The following AUTS2 variants were observed in gnomAD, a reference collection of about 807,000 sequenced individuals.
AUTS2 encodes the protein activator of transcription and developmental regulator AUTS2, also known as autism susceptibility gene 2 protein.
A neutral mutation model predicts 112.4 loss-of-function variants in AUTS2; 17 were observed. The observed-to-expected ratio is 0.15, with a 90% confidence interval of 0.10 to 0.23. The LOEUF (loss-of-function observed/expected upper bound fraction) is 0.23, where lower values mean the gene tolerates loss of function less well. AUTS2 is among the 10% of genes least tolerant of loss of function. AUTS2 has a pLI of 1.00. For synonymous variants in AUTS2, 751 were observed against 702.7 expected, an observed-to-expected ratio of 1.07 and a Z score of -1.09; for missense variants, 1,510 against 1,701.6, an observed-to-expected ratio of 0.89 and a Z score of 1.98.
intron 2 of AUTS2, among the ~76,000 whole-genome samples, chr7:70,017,377 T>G (rs1468601372): frequency 6.6e-6 from 1 of 152,218 alleles, no homozygotes; most frequent in African/African-American, 2.4e-5. Context: ...AATTAGAGAT[T>G]TGTAGTTAAG....
intron 2 of AUTS2, among the ~76,000 whole-genome samples, chr7:70,110,196 A>G (rs1272401973): frequency 6.6e-6 from 1 of 152,184 alleles, no homozygotes; most frequent in African/African-American, 2.4e-5. Flanking sequence ...ATATAGTTAG[A>G]TTGATCTTGG....
intron 2 of AUTS2, among the ~76,000 whole-genome samples, chr7:69,991,143 A>T (rs1563020436): frequency 6.6e-6 from 1 of 152,222 alleles, no homozygotes; most frequent in Non-Finnish European, 1.5e-5. Flanking sequence ...AGCTCCTTCC[A>T]GGCAGATCTG....
intron 6 of AUTS2, among the ~76,000 whole-genome samples, chr7:70,756,640 T>G (rs1789229066): frequency 6.6e-6 from 1 of 152,176 alleles, no homozygotes; most frequent in Admixed American, 6.5e-5. Context: ...AATGTTTGAC[T>G]TTATATCTAG....
intron 1 of AUTS2, among the ~76,000 whole-genome samples, chr7:69,892,398 C>G (rs993627833): frequency 3.9e-5 from 6 of 152,026 alleles, no homozygotes; most frequent in Middle Eastern, 3.4e-3. Context: ...CCTGCCTTGG[C>G]CTCCTAAAGT....
intron 4 of AUTS2, among the ~76,000 whole-genome samples, chr7:70,287,664 A>G (rs1293440509): frequency 6.6e-6 from 1 of 152,134 alleles, no homozygotes; most frequent in Non-Finnish European, 1.5e-5. Context: ...AGTAATATTT[A>G]TCTTTAATGT....
chr7:70,511,803 TG>T (rs1799208101), intron 5 of AUTS2, among the ~76,000 whole-genome samples: 1 of 151,970 alleles, frequency 6.6e-6, no homozygotes, highest in Non-Finnish European at 1.5e-5. Context: ...CTTGAACTCC[TG>T]ACCTCAAGTG....
intron 6 of AUTS2, among the ~76,000 whole-genome samples, chr7:70,739,950 C>G (rs1252102042): frequency 2.2e-4 from 34 of 152,134 alleles, no homozygotes; most frequent in Non-Finnish European, 4.4e-5. Flanking sequence ...GCAGTATTCC[C>G]GGCCCTCCTG....
intron 1 of AUTS2, among the ~76,000 whole-genome samples, chr7:69,657,841 A>G (rs943906691): frequency 6.6e-6 from 1 of 152,114 alleles, no homozygotes; most frequent in Non-Finnish European, 1.5e-5. Context: ...TTGTTCTGTA[A>G]TTGTTGGTTT....
intron 1 of AUTS2, among the ~76,000 whole-genome samples, chr7:69,632,826 G>A (rs182395290): frequency 9.2e-5 from 14 of 152,120 alleles, no homozygotes; most frequent in Non-Finnish European, 1.8e-4. Flanking sequence ...CCTTGAGAGA[G>A]GTTTTTATTA....
At chr7:70,739,818 A>G (rs1787998965) in intron 6 of AUTS2, among the ~76,000 whole-genome samples, 3 of 152,002 alleles carry the variant, frequency 2.0e-5, no homozygotes, top group Admixed American at 2.0e-4. Flanking sequence ...AAAAAAAAAA[A>G]AAAAAAAAGT....
intron 4 of AUTS2, among the ~76,000 whole-genome samples, chr7:70,353,396 A>G (rs1009835154): frequency 2.0e-5 from 3 of 152,170 alleles, no homozygotes; most frequent in Admixed American, 1.3e-4. Context: ...TCCCTTAACC[A>G]CAGGCATGGT....
At chr7:69,906,308 T>A (rs894071596) in intron 2 of AUTS2, among the ~76,000 whole-genome samples, 5 of 152,246 alleles carry the variant, frequency 3.3e-5, no homozygotes, top group African/African-American at 1.2e-4. Flanking sequence ...GAAATAAGCC[T>A]CTGTACATTC....
chr7:70,660,223 G>A (rs533559589), intron 5 of AUTS2, among the ~76,000 whole-genome samples: 10 of 152,084 alleles, frequency 6.6e-5, no homozygotes, highest in East Asian at 3.9e-4. Context: ...AGAAATGCAG[G>A]CAACTGTGCA....
intron 1 of AUTS2, among the ~76,000 whole-genome samples, chr7:69,659,797 C>CAT (rs1795714463): frequency 6.6e-6 from 1 of 152,072 alleles, no homozygotes; most frequent in African/African-American, 2.4e-5. Context: ...AGCCTAAAGC[C>CAT]ATACTTCACC....
intron 5 of AUTS2, among the ~76,000 whole-genome samples, chr7:70,550,868 C>T (rs767004777): frequency 7.0e-4 from 106 of 152,304 alleles, no homozygotes; most frequent in Non-Finnish European, 1.3e-3. Flanking sequence ...TCATCTAGAT[C>T]TTGGTTCCTA....
chr7:69,894,069 A>C (rs1794634425), intron 1 of AUTS2, among the ~76,000 whole-genome samples: 1 of 152,056 alleles, frequency 6.6e-6, no homozygotes, highest in Admixed American at 6.5e-5. Flanking sequence ...AAAATCACAT[A>C]ATTTCAACTA....
Position 69,868,539 on chromosome 7 carries a change from T to G in AUTS2, c.310-30747T>G, listed in dbSNP as rs139304105. Reference sequence around the variant, plus strand: ...CCCAGGTTATATGTGGAGTACAAACTAATTATGAAGCTAAATCTTCCTCAG... The same window carrying G: ...CCCAGGTTATATGTGGAGTACAAACGAATTATGAAGCTAAATCTTCCTCAG... On this transcript the variant is annotated intron_variant, in intron 1 of 18. Transcript: ENST00000342771. Among the ~76,000 whole-genome samples, 443 of 152,288 alleles carry G rather than the reference T, an allele frequency of 2.9e-3. 4 individuals are homozygous for G. The highest frequency in any genetic ancestry group is 0.01 in the African/African-American group (429 of 41,566).
chr7:70,094,792 C>G (rs967437919), intron 2 of AUTS2, among the ~76,000 whole-genome samples: 3 of 151,914 alleles, frequency 2.0e-5, no homozygotes, highest in African/African-American at 7.3e-5. Context: ...GCTTTTTTTT[C>G]TCCGTGGAAT....
At chr7:70,389,402 G>A (rs1021068535) in intron 4 of AUTS2, among the ~76,000 whole-genome samples, 10 of 152,134 alleles carry the variant, frequency 6.6e-5, no homozygotes, top group African/African-American at 9.7e-5. Flanking sequence ...ACATGTAGCC[G>A]GCCCAATCTG....
Sources: allele counts gnomAD v4.1 joint callset (sites outside exome capture counted in the v4.1 genomes callset), GRCh38; gene constraint gnomAD v4.1.1; transcripts MANE v1.5; gene names NCBI Gene and HGNC (gene_info 2026-07-23, HGNC 2026-07-21).